RAPGEF4: variants seen among roughly 807,000 people sequenced by gnomAD.
The protein encoded by RAPGEF4 is Rap guanine nucleotide exchange factor 4, also known as RAP guanine-nucleotide-exchange factor (GEF) 4.
RAPGEF4 carries 66 observed loss-of-function variants against 147.9 expected under a neutral mutation model. The ratio of observed to expected loss-of-function variants is 0.45; its 90% CI spans 0.37 to 0.55. The LOEUF is 0.55. RAPGEF4 is among the 20% of genes least tolerant of loss of function. RAPGEF4 has a pLI of 0.00. For missense variants in RAPGEF4, 1,071 were observed against 1,257.3 expected (o/e 0.85, Z 2.24); for synonymous variants, 419 against 442.7 (o/e 0.95, Z 0.67).
rs544817544 is a variant in RAPGEF4, at chr2:172,986,511, A to C, written c.1150+1018A>C. 4.6e-5 allele frequency among the ~76,000 whole-genome samples: 7 copies of C among 152,268 alleles called. No individual in the cohort carries two copies. The East Asian group carries it at 1.4e-3, about 29-fold the overall frequency. The stretch of plus-strand genomic sequence containing the variant: ...CTTCAAATGTTCAAGGCTTACTTTA[A>C]TATTTTTATCTTAATGGTTGCTAAT... On this transcript the variant is annotated intron_variant, in intron 12 of 30. Coordinates refer to ENST00000397081, the MANE Select transcript of RAPGEF4 (RefSeq NM_007023.4).
intron 10 of RAPGEF4, among the ~76,000 whole-genome samples, chr2:172,969,099 C>T (rs924436988): frequency 1.8e-4 from 27 of 152,226 alleles, no homozygotes; most frequent in African/African-American, 6.0e-4. Context: ...AAACACACTG[C>T]AGTACCTAGG....
rs1210521520 is a variant in RAPGEF4 at position 173,042,629 on chromosome 2, A to AC, written c.2853+5937_2853+5938insC. On this transcript the variant is annotated intron_variant, in intron 29 of 30. Coordinates refer to ENST00000397081, the MANE Select transcript of RAPGEF4 (RefSeq NM_007023.4). The surrounding 1 kb of genome is among the most constrained non-coding windows in gnomAD (Gnocchi z 4.2). ...TAGAGTAAGACTCCAAATCAAAAAA[A>AC]AAAAGGGAAAGAAAATTGGATTAAC... 6.6e-6 allele frequency among the ~76,000 whole-genome samples: 1 copy of AC among 152,184 alleles called. No individual in the cohort carries two copies.
At chr2:172,745,815 C>G (rs572466500) in intron 1 of RAPGEF4, among the ~76,000 whole-genome samples, 11 of 152,288 alleles carry the variant, frequency 7.2e-5, no homozygotes, top group African/African-American at 2.6e-4. Flanking sequence ...ACTCCCTCAG[C>G]CTCAAGAATA....
At chr2:173,010,627 T>C (rs1351835172) in intron 17 of RAPGEF4, among the ~76,000 whole-genome samples, 2 of 152,232 alleles carry the variant, frequency 1.3e-5, no homozygotes, top group African/African-American at 4.8e-5. Flanking sequence ...GAAGGGAATA[T>C]AGTTTTTCCC....
intron 10 of RAPGEF4, among the ~76,000 whole-genome samples, chr2:172,972,964 T>C (rs1690652879): frequency 6.6e-6 from 1 of 152,224 alleles, no homozygotes; most frequent in East Asian, 1.9e-4. Context: ...TTACACTTAA[T>C]AACATATCAC....
chr2:172,860,288 G>C (rs1693881924), intron 4 of RAPGEF4: 17 of 985,338 alleles, frequency 1.7e-5, no homozygotes, highest in Non-Finnish European at 1.9e-5. Context: ...GGACCTGGGA[G>C]AAGTGTCTGG....
At chr2:172,797,405 G>A in intron 2 of RAPGEF4, 120 bp from the exon 3 acceptor site, 1 of 680,864 alleles carries the variant, frequency 1.5e-6, no homozygotes, top group Non-Finnish European at 2.5e-6. Flanking sequence ...GCAACAGATA[G>A]GGGAAGGGTG....
chr2:172,961,222 C>T lies in RAPGEF4; in HGVS notation c.692C>T (p.Thr231Ile), dbSNP rs1689255502. 3.2e-6 allele frequency: 5 copies of T among 1,585,800 alleles called. No individual in the cohort carries two copies. Among genetic ancestry groups the T allele is most frequent in the Non-Finnish European group, 4.3e-6 (5 of 1,154,204 alleles). ...MIRDRKYHLK[T>I]YRQCCVGTEL... ...AGAGATAGAAAATACCACCTAAAGA[C>T]ATACAGGTATGTGTGCTAATTCTAA... Residue 231 changes from threonine to isoleucine, a missense_variant, in exon 8 of 31, where the codon ACA becomes ATA. Thr to Ile is a moderately conservative substitution (Grantham distance 89). Coordinates refer to ENST00000397081, the MANE Select transcript of RAPGEF4 (RefSeq NM_007023.4).
chr2:172,963,979 C>A (rs1029660427), intron 8 of RAPGEF4, among the ~76,000 whole-genome samples: 1 of 152,118 alleles, frequency 6.6e-6, no homozygotes, highest in African/African-American at 2.4e-5. Flanking sequence ...ATTCTTAAAC[C>A]CTTTGTAAGG....
At chr2:172,873,675 A>G (rs1222895623) in intron 4 of RAPGEF4, among the ~76,000 whole-genome samples, 2 of 152,232 alleles carry the variant, frequency 1.3e-5, no homozygotes, top group Non-Finnish European at 2.9e-5. Context: ...AAGCAATGGC[A>G]ACAAAAGCCA....
At chr2:172,882,195 T>G (rs939256824) in intron 4 of RAPGEF4, among the ~76,000 whole-genome samples, 1 of 152,226 alleles carries the variant, frequency 6.6e-6, no homozygotes, top group African/African-American at 2.4e-5. Flanking sequence ...GATTAGTTAG[T>G]AAACTTTTAC....
intron 1 of RAPGEF4, among the ~76,000 whole-genome samples, chr2:172,750,963 T>C (rs1448843175): frequency 6.6e-6 from 1 of 152,240 alleles, no homozygotes; most frequent in South Asian, 2.1e-4. Context: ...ATTGATTGTT[T>C]TGCTGTGCAG....
At chr2:172,809,259 A>G (rs1219029482) in intron 3 of RAPGEF4, among the ~76,000 whole-genome samples, 3 of 152,074 alleles carry the variant, frequency 2.0e-5, no homozygotes, top group Non-Finnish European at 4.4e-5. Flanking sequence ...TGGCCTGCTG[A>G]TGGGAGGGAG....
rs115277773 is a variant in RAPGEF4, at chr2:172,823,433, C to T, written c.444+9008C>T. ...TGTTCAGCCATCATCTGGAGAAATC[C>T]GCTCTGGGGTTTAACGGGTTCCCCC... On this transcript the variant is annotated intron_variant, in intron 4 of 30. Transcript: ENST00000397081. Among the ~76,000 whole-genome samples, 149 of 152,308 alleles carry T rather than the reference C, an allele frequency of 9.8e-4. 2 individuals are homozygous for T. The Middle Eastern group carries it at 0.024, about 24-fold the overall frequency.
intron 4 of RAPGEF4, among the ~76,000 whole-genome samples, chr2:172,823,730 A>C (rs1325002297): frequency 6.6e-6 from 1 of 152,176 alleles, no homozygotes; most frequent in Non-Finnish European, 1.5e-5. Context: ...AAATTCCTGC[A>C]GTCTTGCCCC....
chr2:172,894,651 A>C (rs1169315712), intron 4 of RAPGEF4, among the ~76,000 whole-genome samples: 2 of 152,210 alleles, frequency 1.3e-5, no homozygotes, highest in African/African-American at 4.8e-5. Context: ...TAGGAAATTT[A>C]GACTGACTGC....
intron 3 of RAPGEF4, among the ~76,000 whole-genome samples, chr2:172,802,001 G>A (rs1005364172): frequency 2.6e-5 from 4 of 152,180 alleles, no homozygotes; most frequent in African/African-American, 9.7e-5. Flanking sequence ...TAGAGGGTGG[G>A]GTAGATAAGT....
chr2:172,755,058 T>C (rs1402163648), intron 1 of RAPGEF4, among the ~76,000 whole-genome samples: 1 of 151,982 alleles, frequency 6.6e-6, no homozygotes, highest in Non-Finnish European at 1.5e-5. Context: ...AAAAATCCTC[T>C]TATCTCTGGA....
intron 17 of RAPGEF4, among the ~76,000 whole-genome samples, chr2:173,004,866 G>T (rs1317943219): frequency 6.6e-6 from 1 of 151,754 alleles, no homozygotes; most frequent in African/African-American, 2.4e-5. Context: ...TCACTTGGTG[G>T]TATATTGTGA....
Sources: allele counts gnomAD v4.1 joint callset (sites outside exome capture counted in the v4.1 genomes callset), GRCh38; gene constraint gnomAD v4.1.1; non-coding constraint Gnocchi (gnomAD v3.1); transcripts MANE v1.5; gene names NCBI Gene and HGNC (gene_info 2026-07-23, HGNC 2026-07-21).